Variants in RRM1 observed in about 807,000 individuals in gnomAD.
The protein encoded by RRM1 is ribonucleoside-diphosphate reductase large subunit.
A neutral mutation model predicts 101.5 loss-of-function variants in RRM1; 19 were observed. The ratio of observed to expected loss-of-function variants is 0.19; its 90% CI spans 0.13 to 0.27. RRM1 has a LOEUF of 0.27. Ranked by LOEUF, RRM1 falls within the 10% of genes least tolerant of loss-of-function variation. RRM1 has a pLI of 1.00. For synonymous variants in RRM1, 298 were observed against 323.4 expected, an observed-to-expected ratio of 0.92 and a Z score of 0.84; for missense variants, 500 against 962.9, an observed-to-expected ratio of 0.52 and a Z score of 6.36.
chr11:4,095,282 C>A (rs1429505220), intron 1 of RRM1, among the ~76,000 whole-genome samples: 1 of 152,246 alleles, frequency 6.6e-6, no homozygotes, highest in Non-Finnish European at 1.5e-5. Context: ...ATAACACTTA[C>A]CCCGTATCGA....
Position 4,132,392 on chromosome 11 carries a change from A to G in RRM1, c.1876A>G (p.Thr626Ala), listed in dbSNP as rs140910223. The change falls in exon 16 of 19, where the codon ACT (threonine) becomes GCT (alanine). Residue 626 changes from threonine to alanine, a missense_variant. Thr to Ala is a moderately conservative substitution (Grantham distance 58). Transcript: ENST00000300738. The surrounding 1 kb of genome is among the most constrained non-coding windows in gnomAD (Gnocchi z 4.1). ...TGAACCTTACACCAGCAACATCTAT[A>G]CTCGCAGAGTCTTGTCAGGAGAATT... ...SIEPYTSNIYTRRVLSGEFQI... is the reference protein window; with the variant it reads ...SIEPYTSNIYARRVLSGEFQI... The G allele has an allele frequency of 2.2e-5, 35 of 1,614,004 alleles. No homozygotes were observed. Among genetic ancestry groups the G allele is most frequent in the Non-Finnish European group, 2.8e-5 (33 of 1,179,982 alleles).
At chr11:4,095,170 C>G in intron 1 of RRM1, 139 bp downstream of exon 1, 2 of 1,054,626 alleles carry the variant, frequency 1.9e-6, no homozygotes, top group South Asian at 3.0e-5. Flanking sequence ...TCCGCCCTGT[C>G]AGCCCGCTCG....
At chr11:4,124,375 T>G (rs573881041) in intron 12 of RRM1, among the ~76,000 whole-genome samples, 1 of 152,022 alleles carries the variant, frequency 6.6e-6, no homozygotes, top group African/African-American at 2.4e-5. Context: ...TTCTAGGACC[T>G]TAAAAAAAAA....
chr11:4,100,761 A>G (rs1263911039), intron 1 of RRM1, among the ~76,000 whole-genome samples: 1 of 152,228 alleles, frequency 6.6e-6, no homozygotes, highest in East Asian at 1.9e-4. Context: ...TTTTTACCTT[A>G]TCTAATTTTA....
chr11:4,112,212 G>A (rs2094566563), intron 7 of RRM1, 150 bp downstream of exon 7: 1 of 603,806 alleles, frequency 1.7e-6, no homozygotes, highest in Non-Finnish European at 2.8e-6. Flanking sequence ...CTGTAATGTG[G>A]TAAATGAATT....
chr11:4,131,650 G>A (rs567587268), intron 15 of RRM1, among the ~76,000 whole-genome samples: 87 of 152,152 alleles, frequency 5.7e-4, no homozygotes, highest in Non-Finnish European at 1.1e-3. Flanking sequence ...GGTGAGCCAG[G>A]GGCAGTTGGG....
intron 15 of RRM1, among the ~76,000 whole-genome samples, chr11:4,130,869 T>G (rs1358297143): frequency 6.6e-6 from 1 of 152,224 alleles, no homozygotes; most frequent in Non-Finnish European, 1.5e-5. Flanking sequence ...AGACAGATGA[T>G]GTTGCTATTT....
chr11:4,131,675 G>T (rs1050409275), intron 15 of RRM1, among the ~76,000 whole-genome samples: 1 of 152,194 alleles, frequency 6.6e-6, no homozygotes, highest in African/African-American at 2.4e-5. Flanking sequence ...TTCTCAGTGT[G>T]TCAGATAGTG....
chr11:4,116,971 A>AAAAAG (rs1306304378), intron 7 of RRM1, among the ~76,000 whole-genome samples: 7 of 147,912 alleles, frequency 4.7e-5, no homozygotes, highest in East Asian at 3.9e-4. Flanking sequence ...TGTCTCAAAA[A>AAAAAG]AAAAGAAAAG....
chr11:4,095,038 G>C lies in RRM1; in HGVS notation c.19+7G>C, dbSNP rs550518576. ...ATGCATGTGATCAAGCGAGGTGAGG[G>C]GGGGACGAGGTGGGCGAGAAGGAAG... is the stretch of plus-strand genomic sequence containing the variant. On this transcript the variant is annotated splice_region_variant and intron_variant, in intron 1 of 18. Transcript: ENST00000300738. The C allele has an allele frequency of 3.7e-5, 58 of 1,569,180 alleles. No homozygotes were observed. In the East Asian group the frequency reaches 8.3e-4, roughly 22 times the overall value.
At chr11:4,125,077 G>A (rs978715775) in intron 12 of RRM1, among the ~76,000 whole-genome samples, 1 of 151,798 alleles carries the variant, frequency 6.6e-6, no homozygotes. Context: ...ACCACACCCA[G>A]CTAATTTTTG....
At chr11:4,125,631 T>G (rs1301741987) in intron 12 of RRM1, among the ~76,000 whole-genome samples, 1 of 152,234 alleles carries the variant, frequency 6.6e-6, no homozygotes, top group Non-Finnish European at 1.5e-5. Flanking sequence ...CTCTTGAATG[T>G]TAAAATGCAC....
At chr11:4,113,071 G>T (rs1052572903) in intron 7 of RRM1, among the ~76,000 whole-genome samples, 4 of 151,820 alleles carry the variant, frequency 2.6e-5, no homozygotes, top group African/African-American at 9.7e-5. Context: ...GATTAATGAT[G>T]ATGCCATTTG....
intron 8 of RRM1, 86 bp downstream of exon 8, chr11:4,118,547 T>G: frequency 1.4e-6 from 2 of 1,398,238 alleles, no homozygotes; most frequent in Non-Finnish European, 2.0e-6. Context: ...TGCTATTTTT[T>G]GGGAGTCCTG....
At chr11:4,104,664 T>C (rs2094556058) in intron 2 of RRM1, among the ~76,000 whole-genome samples, 1 of 152,132 alleles carries the variant, frequency 6.6e-6, no homozygotes, top group Non-Finnish European at 1.5e-5. Flanking sequence ...GGTATAGTAA[T>C]AATCATCTCA....
At chr11:4,098,759 GGT>G (rs2133283473) in intron 1 of RRM1, among the ~76,000 whole-genome samples, 1 of 152,116 alleles carries the variant, frequency 6.6e-6, no homozygotes, top group East Asian at 1.9e-4. Context: ...TTGACTTCTT[GGT>G]GTGGGTGGGA....
chr11:4,112,079 G>C lies in RRM1; in HGVS notation c.650+17G>C. Reference sequence around the variant, plus strand: ...ACTTTCTAGGTAGGTGTTTTGAGTAGGGAAATACGCCTTGACCTGAAGAAA... The same window carrying C: ...ACTTTCTAGGTAGGTGTTTTGAGTACGGAAATACGCCTTGACCTGAAGAAA... On this transcript the variant is annotated intron_variant, in intron 7 of 18. Coordinates refer to ENST00000300738, the MANE Select transcript of RRM1 (RefSeq NM_001033.5). 6.2e-7 allele frequency: 1 copy of C among 1,604,154 alleles called. No individual in the cohort carries two copies. The highest frequency in any genetic ancestry group is 1.1e-5 in the South Asian group (1 of 89,488).
intron 14 of RRM1, among the ~76,000 whole-genome samples, chr11:4,127,746 C>T (rs1482143813): frequency 6.6e-6 from 1 of 152,210 alleles, no homozygotes; most frequent in Admixed American, 6.5e-5. Flanking sequence ...CCTTTGTCCT[C>T]TGGAGTAAAA....
At chr11:4,116,580 A>C (rs1237069098) in intron 7 of RRM1, among the ~76,000 whole-genome samples, 1 of 152,200 alleles carries the variant, frequency 6.6e-6, no homozygotes, top group Non-Finnish European at 1.5e-5. Flanking sequence ...CAAAAGAGTG[A>C]GACTCTGTCT....
Sources: allele counts gnomAD v4.1 joint callset (sites outside exome capture counted in the v4.1 genomes callset), GRCh38; gene constraint gnomAD v4.1.1; non-coding constraint Gnocchi (gnomAD v3.1); transcripts MANE v1.5; gene names NCBI Gene and HGNC (gene_info 2026-07-23, HGNC 2026-07-21).